TMEM154: variants seen among roughly 807,000 people sequenced by gnomAD.
TMEM154 encodes the protein transmembrane protein 154.
A neutral mutation model predicts 24.5 loss-of-function variants in TMEM154; 27 were observed. That is an observed-to-expected ratio of 1.10 (90% CI 0.81 to 1.52). The LOEUF (loss-of-function observed/expected upper bound fraction) is 1.52. TMEM154 is among the 40% of genes most tolerant of loss of function. TMEM154 has a pLI of 0.00. For synonymous variants in TMEM154, 67 were observed against 76.8 expected (o/e 0.87, Z 0.67); for missense variants, 228 against 213.4 (o/e 1.07, Z -0.43).
At chr4:152,676,146 G>T (rs1728948920) in intron 1 of TMEM154, among the ~76,000 whole-genome samples, 1 of 152,146 alleles carries the variant, frequency 6.6e-6, no homozygotes, top group Non-Finnish European at 1.5e-5. Flanking sequence ...TGCTCACTCT[G>T]CACCTCTTTC....
At chr4:152,647,045 C>T (rs1361171761) in intron 3 of TMEM154, 4 of 794,682 alleles carry the variant, frequency 5.0e-6, no homozygotes, top group Middle Eastern at 4.3e-4. Flanking sequence ...TTCCCTTTCC[C>T]TGAACATGAA....
In TMEM154 at chr4:152,625,790, A is replaced by G. The variant is rs912290036; in HGVS notation, c.*2756T>C. 1 of 152,076 alleles carries G rather than the reference A, an allele frequency of 6.6e-6. No homozygotes were observed. Among genetic ancestry groups the G allele is most frequent in the Non-Finnish European group, 1.5e-5 (1 of 68,030 alleles). The allele number at this position is 152,076 out of a possible 1,614,324, so 9.4% of individuals were successfully genotyped here. On this transcript the variant is annotated 3_prime_UTR_variant, in exon 7 of 7. Coordinates refer to ENST00000304385, the MANE Select transcript of TMEM154 (RefSeq NM_152680.3). ...AGTGGCTCATGCCTGTAATCCCAGCACTTTGGGAGGCTGAGACAGGAGGAC... is the reference window on the plus strand; with the variant it reads ...AGTGGCTCATGCCTGTAATCCCAGCGCTTTGGGAGGCTGAGACAGGAGGAC...
chr4:152,628,073 G>C lies in TMEM154; in HGVS notation c.*473C>G, dbSNP rs1346215775. 1 of 168,156 alleles carries C rather than the reference G, an allele frequency of 5.9e-6. No individual in the cohort carries two copies. Among genetic ancestry groups the C allele is most frequent in the Admixed American group, 5.8e-5 (1 of 17,294 alleles). 10.4% of individuals were successfully genotyped at this position (168,156 alleles called of 1,614,324 possible). ...TCCTCGAGAAAAGTTCCTGCTGAAT[G>C]TAGTTTACCTGTCCCACGACTTGAA... On this transcript the variant is annotated 3_prime_UTR_variant, in exon 7 of 7. Transcript: ENST00000304385.
rs1357137390 is a variant in TMEM154 at position 152,630,400 on chromosome 4, T to C, written c.537-1839A>G. On this transcript the variant is annotated intron_variant, in intron 6 of 6. Transcript: ENST00000304385. ...ACTTAGAAATGTTTCATCTGAAGAG[T>C]AGATATGACAACCCCTTTCACTTAT... Among the ~76,000 whole-genome samples, 12 of 150,148 alleles carry C rather than the reference T, an allele frequency of 8.0e-5. No homozygotes were observed. The Admixed American group carries it at 8.0e-4, about 10-fold the overall frequency.
intron 6 of TMEM154, among the ~76,000 whole-genome samples, chr4:152,631,157 C>G (rs1752033317): frequency 6.6e-6 from 1 of 152,132 alleles, no homozygotes; most frequent in Non-Finnish European, 1.5e-5. Flanking sequence ...TTTAATGGCC[C>G]ATTGTCAAAT....
intron 3 of TMEM154, among the ~76,000 whole-genome samples, chr4:152,645,579 A>G (rs565009133): frequency 6.6e-6 from 1 of 152,322 alleles, no homozygotes; most frequent in Non-Finnish European, 1.5e-5. Context: ...TGTGAAACCT[A>G]TTGAAAAGCA....
chr4:152,670,742 T>C (rs183904630), intron 1 of TMEM154, among the ~76,000 whole-genome samples: 3 of 152,366 alleles, frequency 2.0e-5, no homozygotes, highest in African/African-American at 7.2e-5. Flanking sequence ...ATTTAAATGA[T>C]TACAATCTCC....
At chr4:152,628,587 A>G in intron 6 of TMEM154, 26 bp from the exon 7 acceptor site, 3 of 1,048,298 alleles carry the variant, frequency 2.9e-6, no homozygotes, top group Middle Eastern at 2.8e-4. Context: ...AAAAAAAAAA[A>G]AAAAACAAAA....
chr4:152,655,293 G>T (rs764962319), intron 1 of TMEM154, among the ~76,000 whole-genome samples: 3 of 152,210 alleles, frequency 2.0e-5, no homozygotes, highest in African/African-American at 7.2e-5. Flanking sequence ...GTGGGGAAAG[G>T]GTAGTGGTCC....
intron 6 of TMEM154, among the ~76,000 whole-genome samples, chr4:152,635,760 T>A (rs1752136658): frequency 6.6e-6 from 1 of 152,250 alleles, no homozygotes; most frequent in Non-Finnish European, 1.5e-5. Flanking sequence ...TTAGTTAATT[T>A]CTTAGGCACT....
rs747613909 is a variant in TMEM154 at position 152,628,565 on chromosome 4, TAAAAAAAAAA to T, written c.537-14_537-5del. ...TCAGGTTTAGGATTCACTGTCACTG[TAAAAAAAAAA>T]AAAAAAAAAAAAAAAAACAAAAAAA... On this transcript the variant is annotated splice_region_variant and splice_polypyrimidine_tract_variant and intron_variant, in intron 6 of 6. Transcript: ENST00000304385. 4.4e-5 allele frequency: 23 copies of T among 518,580 alleles called. No individual in the cohort carries two copies. The highest frequency in any genetic ancestry group is 2.6e-4 in the African/African-American group (3 of 11,558). The allele number at this position is 518,580 out of a possible 1,614,324, so 32.1% of individuals were successfully genotyped here.
In TMEM154 at chr4:152,643,093, C is replaced by A; in HGVS notation, c.473G>T (p.Arg158Ile). 1 of 1,612,248 alleles carries A rather than the reference C, an allele frequency of 6.2e-7. No homozygotes were observed. The highest frequency in any genetic ancestry group is 2.2e-5 in the East Asian group (1 of 44,836). ...ELDKWMNSMNRNADFECLPTL... is the reference protein window; with the variant it reads ...ELDKWMNSMNINADFECLPTL... ...AACTTTAGGTTACCACATACCATTT[C>A]TATTCATGCTGTTCATCCATTTATC... Residue 158 changes from arginine to isoleucine, a missense_variant, in exon 5 of 7, where the codon AGA becomes ATA. Physicochemically the swap from Arg to Ile is moderately conservative, Grantham distance 97. Coordinates refer to ENST00000304385, the MANE Select transcript of TMEM154 (RefSeq NM_152680.3).
chr4:152,643,550 G>T (rs917172177), intron 4 of TMEM154, among the ~76,000 whole-genome samples: 2 of 152,196 alleles, frequency 1.3e-5, no homozygotes, highest in Non-Finnish European at 2.9e-5. Context: ...TTCACTTCCT[G>T]TTCCTTGGGG....
Position 152,648,650 on chromosome 4 carries a change from T to A in TMEM154, c.364+3888A>T, listed in dbSNP as rs555879444. Reference sequence around the variant, plus strand: ...TTCTGGGAATAGCAAATACTTCAAGTGTTGTTAGAGTGGAGGATGCATGGA... The same window carrying A: ...TTCTGGGAATAGCAAATACTTCAAGAGTTGTTAGAGTGGAGGATGCATGGA... On this transcript the variant is annotated intron_variant, in intron 3 of 6. Transcript: ENST00000304385. Among the ~76,000 whole-genome samples the A allele has an allele frequency of 7.9e-5, 12 of 152,168 alleles. No homozygotes were observed. The East Asian group carries it at 2.1e-3, about 27-fold the overall frequency.
At chr4:152,661,849 T>A (rs754684126) in intron 1 of TMEM154, among the ~76,000 whole-genome samples, 2 of 152,192 alleles carry the variant, frequency 1.3e-5, no homozygotes, top group African/African-American at 2.4e-5. Context: ...AGTTACTCAG[T>A]TTCCTTGCCC....
At chr4:152,661,397 G>A (rs990527553) in intron 1 of TMEM154, among the ~76,000 whole-genome samples, 4 of 141,416 alleles carry the variant, frequency 2.8e-5, no homozygotes, top group Non-Finnish European at 6.0e-5. Context: ...GGGATGTATT[G>A]AATGCTTAGT....
chr4:152,670,018 T>C (rs946470731), intron 1 of TMEM154: 3 of 152,214 alleles, frequency 2.0e-5, no homozygotes, highest in African/African-American at 7.2e-5. Context: ...AATCAGCTCT[T>C]ACTGGCTTGA....
chr4:152,653,261 C>T (rs1728424494), intron 1 of TMEM154, among the ~76,000 whole-genome samples: 1 of 152,156 alleles, frequency 6.6e-6, no homozygotes, highest in African/African-American at 2.4e-5. Context: ...TGTGATATTA[C>T]AGGACATCTC....
intron 1 of TMEM154, 76 bp downstream of exon 1, chr4:152,679,794 A>G (rs998562392): frequency 1.3e-6 from 2 of 1,553,422 alleles, no homozygotes; most frequent in Non-Finnish European, 1.7e-6. Flanking sequence ...CCTCCCCGGC[A>G]GAGTTCTGTA....
Sources: gnomAD v4.1 joint callset for allele counts (sites outside exome capture counted in the v4.1 genomes callset) on GRCh38, gnomAD v4.1.1 for gene constraint, MANE v1.5 for transcripts, NCBI Gene and HGNC (gene_info 2026-07-23, HGNC 2026-07-21) for gene names.